DOCK9: variants seen among roughly 807,000 people sequenced by gnomAD.
The protein encoded by DOCK9 is dedicator of cytokinesis 9.
A neutral mutation model predicts 263.3 loss-of-function variants in DOCK9; 89 were observed. The observed-to-expected ratio is 0.34, with a 90% CI of 0.28 to 0.40. DOCK9 has a LOEUF of 0.40. Among genes scored for constraint, DOCK9 ranks in the 10% least tolerant of loss-of-function variants. The pLI is 1.00. For missense variants in DOCK9, 2,140 were observed against 2,603.4 expected (o/e 0.82, Z 3.87); for synonymous variants, 976 against 973.1 (o/e 1.00, Z -0.06).
chr13:99,046,943 C>T (rs1430415581), intron 1 of DOCK9, among the ~76,000 whole-genome samples: 6 of 152,232 alleles, frequency 3.9e-5, no homozygotes, highest in African/African-American at 1.4e-4. Context: ...CACTTCCTCT[C>T]CCATAAGGAT....
chr13:98,881,514 G>C (rs1296609503), intron 25 of DOCK9, 44 bp downstream of exon 25: 1 of 1,504,948 alleles, frequency 6.6e-7, no homozygotes, highest in Non-Finnish European at 9.0e-7. Flanking sequence ...AGGAAAACTG[G>C]AGAGCCACAG....
intron 1 of DOCK9, among the ~76,000 whole-genome samples, chr13:98,991,538 T>C (rs74965953): frequency 0.096 from 14,594 of 152,128 alleles, 985 homozygotes; most frequent in East Asian, 0.24. Context: ...ATGTAAAATA[T>C]CTTAAGAGTT....
intron 46 of DOCK9, among the ~76,000 whole-genome samples, chr13:98,809,680 A>G (rs2140231663): frequency 6.6e-6 from 1 of 152,332 alleles, no homozygotes; most frequent in Non-Finnish European, 1.5e-5. Context: ...ACATTTCCAC[A>G]TTAGAGTAAG....
chr13:98,862,312 C>G (rs1403341672), intron 32 of DOCK9, among the ~76,000 whole-genome samples: 2 of 152,110 alleles, frequency 1.3e-5, no homozygotes, highest in Non-Finnish European at 2.9e-5. Flanking sequence ...GAAATAGGAT[C>G]TTTCCATTAT....
chr13:98,899,687 CAA>C (rs768113380), intron 13 of DOCK9, among the ~76,000 whole-genome samples: 21 of 152,096 alleles, frequency 1.4e-4, no homozygotes, highest in Non-Finnish European at 2.6e-4. Flanking sequence ...TTGGTTCTAA[CAA>C]TGATGAATAT....
At chr13:98,925,797 A>G (rs375089089) in intron 4 of DOCK9, 40 bp downstream of exon 4, 149 of 1,407,190 alleles carry the variant, frequency 1.1e-4, no homozygotes, top group Non-Finnish European at 1.3e-4. Context: ...CATTTCAAGT[A>G]CAAAGACTTT....
At chr13:99,021,934 C>T (rs1886163151) in intron 1 of DOCK9, among the ~76,000 whole-genome samples, 1 of 151,962 alleles carries the variant, frequency 6.6e-6, no homozygotes, top group Non-Finnish European at 1.5e-5. Context: ...ATTTATATAA[C>T]AAACCTACAC....
chr13:98,872,488 C>T (rs1455943253), intron 27 of DOCK9, among the ~76,000 whole-genome samples: 4 of 152,050 alleles, frequency 2.6e-5, no homozygotes. Flanking sequence ...CTCACTGTAG[C>T]CTCATCCTCC....
At chr13:98,914,270 A>C in intron 9 of DOCK9, 58 bp downstream of exon 9, 1 of 1,414,392 alleles carries the variant, frequency 7.1e-7, no homozygotes, top group Non-Finnish European at 9.8e-7. Context: ...CAAACCAGTG[A>C]AATGAGACAT....
At chr13:98,796,094 C>T (rs2089357403) in intron 52 of DOCK9, 1 of 791,070 alleles carries the variant, frequency 1.3e-6, no homozygotes. Flanking sequence ...GGGTGCTTTC[C>T]TCTGCCCATG....
rs776744730 is a variant in DOCK9, at chr13:98,805,039, G to A, written c.5685C>T (p.Gly1895=). The A allele has an allele frequency of 3.1e-6, 5 of 1,610,760 alleles. No individual in the cohort carries two copies. Among genetic ancestry groups the A allele is most frequent in the Non-Finnish European group, 4.2e-6 (5 of 1,178,480 alleles). Reference sequence around the variant, plus strand: ...GCCGTTTGCACTGCTCTTCCACCCCGCCCTGCCTCTTCCCGGTCTGCGTAA... The same window carrying A: ...GCCGTTTGCACTGCTCTTCCACCCCACCCTGCCTCTTCCCGGTCTGCGTAA... ...MPFTQTGKRQ[G]GVEEQCKRRT... Residue 1895 remains glycine (G), a synonymous_variant, in exon 49 of 53, where the codon GGC becomes GGT. Coordinates refer to ENST00000682017, the MANE Select transcript of DOCK9 (RefSeq NM_001366683.2).
chr13:98,875,033 TG>T (rs2094293241), intron 27 of DOCK9, among the ~76,000 whole-genome samples: 2 of 152,178 alleles, frequency 1.3e-5, no homozygotes, highest in African/African-American at 2.4e-5. Context: ...ATCCCTAGAT[TG>T]TGGTATCCTG....
chr13:99,020,460 G>A (rs950923798), intron 1 of DOCK9, among the ~76,000 whole-genome samples: 2 of 152,068 alleles, frequency 1.3e-5, no homozygotes, highest in African/African-American at 4.8e-5. Context: ...ATAAATTCAG[G>A]TTAAGACCTG....
At chr13:99,068,723 A>G (rs2041540414) in intron 1 of DOCK9, among the ~76,000 whole-genome samples, 1 of 152,200 alleles carries the variant, frequency 6.6e-6, no homozygotes, top group African/African-American at 2.4e-5. Flanking sequence ...TAGGAAAAAA[A>G]TAACATAGAA....
In DOCK9 at chr13:98,975,390, A is replaced by G. The variant is rs555303161; in HGVS notation, c.126+2394T>C. ...AAAAAAAAAAGGCATAAATCCACAT[A>G]TGGTGACAAAAGATGTTACTGACGT... is the stretch of plus-strand genomic sequence containing the variant. On this transcript the variant is annotated intron_variant, in intron 1 of 52. Coordinates refer to ENST00000682017, the MANE Select transcript of DOCK9 (RefSeq NM_001366683.2). Among the ~76,000 whole-genome samples the G allele has an allele frequency of 2.6e-5, 4 of 151,992 alleles. No individual in the cohort carries two copies. The East Asian group carries it at 7.7e-4, about 29-fold the overall frequency.
intron 15 of DOCK9, among the ~76,000 whole-genome samples, chr13:98,889,252 A>G (rs2046266432): frequency 6.6e-6 from 1 of 152,132 alleles, no homozygotes; most frequent in Non-Finnish European, 1.5e-5. Flanking sequence ...AAAGGGTGGG[A>G]GTGGGGTGAG....
intron 2 of DOCK9, among the ~76,000 whole-genome samples, chr13:98,944,174 A>G (rs1375221980): frequency 4.6e-5 from 7 of 152,208 alleles, no homozygotes; most frequent in African/African-American, 1.7e-4. Flanking sequence ...CAAACATACA[A>G]TGATGGACTA....
intron 48 of DOCK9, 44 bp from the exon 49 acceptor site, chr13:98,805,253 GA>G (rs2090565052): frequency 2.0e-6 from 3 of 1,489,872 alleles, no homozygotes; most frequent in South Asian, 2.4e-5. Flanking sequence ...CTCCATGAAG[GA>G]ATCACTCAGT....
chr13:98,969,626 G>A (rs965633671), intron 1 of DOCK9, among the ~76,000 whole-genome samples: 1 of 152,190 alleles, frequency 6.6e-6, no homozygotes, highest in Non-Finnish European at 1.5e-5. Context: ...GAACAACGAC[G>A]CCATGATGGG....
Sources: allele counts gnomAD v4.1 joint callset (sites outside exome capture counted in the v4.1 genomes callset), GRCh38; gene constraint gnomAD v4.1.1; transcripts MANE v1.5; gene names NCBI Gene and HGNC (gene_info 2026-07-23, HGNC 2026-07-21).